Variants in TBC1D19 observed in about 807,000 individuals in gnomAD.
TBC1D19 encodes TBC1 domain family member 19.
TBC1D19 carries 60 observed loss-of-function variants against 89.0 expected under a neutral mutation model. That is an observed-to-expected ratio of 0.67 (90% CI 0.55 to 0.84). TBC1D19 has a LOEUF of 0.84. Ranked by LOEUF, TBC1D19 falls within the 40% of genes least tolerant of loss-of-function variation. The pLI, the probability that TBC1D19 is intolerant of heterozygous loss-of-function variation, is 0.00. For missense variants in TBC1D19, 500 were observed against 610.8 expected (o/e 0.82, Z 1.91); for synonymous variants, 189 against 199.7 (o/e 0.95, Z 0.45).
At chr4:26,734,951 CATATGTATATGTATATATGTATACACAT>C (rs1010657446) in intron 15 of TBC1D19, among the ~76,000 whole-genome samples, 25 of 58,848 alleles carry the variant, frequency 4.2e-4, no homozygotes, top group Non-Finnish European at 5.8e-4. Context: ...TATGTATACA[CATATGTATATGTATATATGTATACACAT>C]ATGTATATGT....
intron 5 of TBC1D19, among the ~76,000 whole-genome samples, chr4:26,638,020 A>T (rs1224952421): frequency 6.6e-6 from 1 of 152,202 alleles, no homozygotes; most frequent in Non-Finnish European, 1.5e-5. Context: ...TAACGTAGGA[A>T]ACGAAAAGGA....
At chr4:26,819,312 A>T in the TBC1D19 span, among the ~76,000 whole-genome samples, 3 of 152,188 alleles carry the variant, frequency 2.0e-5, no homozygotes, top group Non-Finnish European at 4.4e-5. Flanking sequence ...CCTGGTGGGA[A>T]TGACTGCTGG....
the TBC1D19 span, among the ~76,000 whole-genome samples, chr4:26,765,381 C>T: frequency 2.2e-5 from 3 of 137,648 alleles, no homozygotes; most frequent in Non-Finnish European, 4.5e-5. Flanking sequence ...AATAGATCTC[C>T]AGAAAAGAGA....
intron 7 of TBC1D19, among the ~76,000 whole-genome samples, chr4:26,649,046 CT>C (rs1331656383): frequency 6.6e-6 from 1 of 151,458 alleles, no homozygotes; most frequent in Non-Finnish European, 1.5e-5. Context: ...CTTTTCCTGT[CT>C]TTTATGTTTG....
In TBC1D19 at chr4:26,730,998, A is replaced by G. The variant is rs115509651; in HGVS notation, c.1085-4457A>G. Among the ~76,000 whole-genome samples, 389 of 152,322 alleles carry G rather than the reference A, an allele frequency of 2.6e-3. 4 individuals carry two copies. The highest frequency in any genetic ancestry group is 9.1e-3 in the African/African-American group (379 of 41,580). Reference sequence around the variant, plus strand: ...AGGAGTACAGCCGGAGGAGGGTCACAGAGCCCTCAGCTCAAGCCCCTGTGC... The same window carrying G: ...AGGAGTACAGCCGGAGGAGGGTCACGGAGCCCTCAGCTCAAGCCCCTGTGC... On this transcript the variant is annotated intron_variant, in intron 15 of 20. Transcript: ENST00000264866.
chr4:26,579,281 C>T (rs904118422), upstream of TBC1D19, among the ~76,000 whole-genome samples: 1 of 152,206 alleles, frequency 6.6e-6, no homozygotes, highest in Non-Finnish European at 1.5e-5. Context: ...ATACATTCTT[C>T]TACTCCTTCA....
the TBC1D19 span, among the ~76,000 whole-genome samples, chr4:26,765,483 G>A: frequency 6.6e-6 from 1 of 151,896 alleles, no homozygotes; most frequent in Admixed American, 6.6e-5. Context: ...GGGAATTTGG[G>A]GATGAGAGAA....
At chr4:26,754,622 T>A (rs1473915729) in intron 20 of TBC1D19, among the ~76,000 whole-genome samples, 1 of 152,214 alleles carries the variant, frequency 6.6e-6, no homozygotes, top group Non-Finnish European at 1.5e-5. Flanking sequence ...TGTTATAAAC[T>A]CATGCTACCT....
intron 1 of TBC1D19, among the ~76,000 whole-genome samples, chr4:26,604,706 T>C (rs1740864298): frequency 6.6e-6 from 1 of 150,866 alleles, no homozygotes; most frequent in African/African-American, 2.4e-5. Flanking sequence ...AAACCCTGTG[T>C]CTACTAAAAA....
chr4:26,599,519 C>T (rs17581990), intron 1 of TBC1D19, among the ~76,000 whole-genome samples: 2,071 of 152,190 alleles, frequency 0.014, 22 homozygotes, highest in Non-Finnish European at 0.02. Context: ...TTCTCTTAAA[C>T]GTTGACTGTA....
chr4:26,688,245 T>C, intron 12 of TBC1D19, 100 bp from the exon 13 acceptor site: 1 of 1,368,402 alleles, frequency 7.3e-7, no homozygotes, highest in South Asian at 1.6e-5. Flanking sequence ...CATAAAGTAA[T>C]AAATTTATTG....
At chr4:26,666,485 C>T in intron 9 of TBC1D19, 80 bp downstream of exon 9, 1 of 1,224,120 alleles carries the variant, frequency 8.2e-7, no homozygotes, top group Non-Finnish European at 1.1e-6. Flanking sequence ...CCAAGTTAAT[C>T]TAGCAATTTT....
intron 1 of TBC1D19, among the ~76,000 whole-genome samples, chr4:26,596,882 C>T (rs1481744076): frequency 6.6e-6 from 1 of 152,048 alleles, no homozygotes; most frequent in Non-Finnish European, 1.5e-5. Flanking sequence ...GCTTAATTTC[C>T]AAGCAATTGA....
At chr4:26,627,449 C>T (rs1237360572) in intron 4 of TBC1D19, among the ~76,000 whole-genome samples, 1 of 152,032 alleles carries the variant, frequency 6.6e-6, no homozygotes, top group Non-Finnish European at 1.5e-5. Context: ...GTTCTAGAAC[C>T]CTGAGGAATC....
intron 4 of TBC1D19, among the ~76,000 whole-genome samples, chr4:26,621,081 A>G (rs1742018355): frequency 6.6e-6 from 1 of 152,228 alleles, no homozygotes; most frequent in African/African-American, 2.4e-5. Flanking sequence ...AAGTGTATTT[A>G]AAATATATTT....
chr4:26,638,117 T>C (rs1032538167), intron 5 of TBC1D19, among the ~76,000 whole-genome samples: 1 of 148,400 alleles, frequency 6.7e-6, no homozygotes, highest in Non-Finnish European at 1.5e-5. Context: ...GGAGAAAAGA[T>C]GAGAAAGAAA....
intron 7 of TBC1D19, among the ~76,000 whole-genome samples, chr4:26,641,475 C>T (rs978527959): frequency 1.3e-5 from 2 of 152,168 alleles, no homozygotes; most frequent in Non-Finnish European, 2.9e-5. Context: ...GGGGAGAAAC[C>T]AGAGCAGAAA....
intron 7 of TBC1D19, among the ~76,000 whole-genome samples, chr4:26,655,847 C>T (rs956398331): frequency 3.9e-5 from 6 of 152,244 alleles, no homozygotes; most frequent in African/African-American, 9.6e-5. Flanking sequence ...CGCCCTGCTT[C>T]AGCTCATGCT....
intron 7 of TBC1D19, among the ~76,000 whole-genome samples, chr4:26,644,521 G>C (rs529037596): frequency 8.9e-4 from 135 of 152,314 alleles, no homozygotes; most frequent in African/African-American, 3.1e-3. Flanking sequence ...ACAAGAGAGG[G>C]ATACCTTCTC....
Sources: gnomAD v4.1 joint callset for allele counts (sites outside exome capture counted in the v4.1 genomes callset) on GRCh38, gnomAD v4.1.1 for gene constraint, MANE v1.5 for transcripts, NCBI Gene and HGNC (gene_info 2026-07-23, HGNC 2026-07-21) for gene names.